Variants in SLC9A9 observed in about 807,000 individuals in gnomAD.
SLC9A9 encodes the protein sodium/hydrogen exchanger 9.
Under a neutral mutation model 77.8 loss-of-function variants are expected in SLC9A9, and 62 were observed. The observed-to-expected ratio is 0.80, with a 90% CI of 0.65 to 0.98. SLC9A9 has a LOEUF of 0.98. Among genes scored for constraint, SLC9A9 ranks in the 50% least tolerant of loss-of-function variants. The pLI is 0.00. For synonymous variants in SLC9A9, 320 were observed against 283.5 expected (o/e 1.13, Z -1.29); for missense variants, 775 against 774.9 (o/e 1.00, Z 0.00).
intron 12 of SLC9A9, among the ~76,000 whole-genome samples, chr3:143,401,733 G>A (rs991499337): frequency 6.6e-6 from 1 of 152,050 alleles, no homozygotes; most frequent in Non-Finnish European, 1.5e-5. Context: ...TCACATACAG[G>A]TTGTGGCATC....
intron 13 of SLC9A9, among the ~76,000 whole-genome samples, chr3:143,366,189 T>C (rs2032896505): frequency 6.6e-6 from 1 of 152,220 alleles, no homozygotes; most frequent in Non-Finnish European, 1.5e-5. Context: ...ATGTTCCCAA[T>C]AATGATGGTC....
At chr3:143,634,981 G>T (rs1193697566) in intron 6 of SLC9A9, among the ~76,000 whole-genome samples, 1 of 151,976 alleles carries the variant, frequency 6.6e-6, no homozygotes, top group Non-Finnish European at 1.5e-5. Flanking sequence ...TTTGGGTTTT[G>T]TCCTGGTTAT....
chr3:143,737,688 T>C (rs965436464), intron 4 of SLC9A9, among the ~76,000 whole-genome samples: 2 of 152,246 alleles, frequency 1.3e-5, no homozygotes, highest in African/African-American at 4.8e-5. Flanking sequence ...ATGTTTTATA[T>C]GCAGCTACAG....
intron 5 of SLC9A9, among the ~76,000 whole-genome samples, chr3:143,672,832 A>G (rs1166789815): frequency 1.3e-5 from 2 of 152,176 alleles, no homozygotes; most frequent in African/African-American, 4.8e-5. Context: ...CCCAACCTTT[A>G]AAAAATATGC....
At chr3:143,777,009 A>G (rs890415970) in intron 4 of SLC9A9, among the ~76,000 whole-genome samples, 1 of 152,218 alleles carries the variant, frequency 6.6e-6, no homozygotes, top group Non-Finnish European at 1.5e-5. Flanking sequence ...GGAGCTGAGT[A>G]TCTATCTGAC....
chr3:143,836,669 G>A (rs751435486), intron 1 of SLC9A9, among the ~76,000 whole-genome samples: 1 of 152,114 alleles, frequency 6.6e-6, no homozygotes, highest in African/African-American at 2.4e-5. Flanking sequence ...AGGAACATTA[G>A]AAAGATGAGC....
intron 14 of SLC9A9, among the ~76,000 whole-genome samples, chr3:143,309,595 CCTTT>C (rs2030943595): frequency 6.6e-6 from 1 of 152,014 alleles, no homozygotes; most frequent in African/African-American, 2.4e-5. Flanking sequence ...ATTTCCAGAC[CCTTT>C]CTTCTCATGT....
intron 6 of SLC9A9, among the ~76,000 whole-genome samples, chr3:143,616,717 A>C (rs2108706532): frequency 6.6e-6 from 1 of 152,272 alleles, no homozygotes; most frequent in South Asian, 2.1e-4. Context: ...CTTTCCCTAA[A>C]TCCTGGCCTA....
chr3:143,589,024 C>G (rs1378981073), intron 6 of SLC9A9, among the ~76,000 whole-genome samples: 1 of 152,112 alleles, frequency 6.6e-6, no homozygotes, highest in South Asian at 2.1e-4. Flanking sequence ...AGATGGAAAT[C>G]CAGCTAAAGT....
intron 14 of SLC9A9, among the ~76,000 whole-genome samples, chr3:143,307,617 T>C (rs753983401): frequency 6.6e-6 from 1 of 152,208 alleles, no homozygotes; most frequent in Non-Finnish European, 1.5e-5. Flanking sequence ...TAGCCTGGCT[T>C]CGGTCTCTGA....
At position 143,406,998 on chromosome 3, in the gene SLC9A9, AAAAAG is replaced by A. The variant is rs1353774007; in HGVS notation, c.1470-24889_1470-24885del. 2.4e-3 allele frequency among the ~76,000 whole-genome samples: 364 copies of A among 150,082 alleles called. 4 individuals are homozygous for A. Among genetic ancestry groups the A allele is most frequent in the East Asian group, 0.015 (76 of 5,150 alleles). On this transcript the variant is annotated intron_variant, in intron 12 of 15. Transcript: ENST00000316549. ...CTCGAGAAAAAAAAAAAAAAAAAAG[AAAAAG>A]AAAAGAAAAAATACCAAATTAATAT...
chr3:143,446,202 G>A (rs146707792), intron 12 of SLC9A9, among the ~76,000 whole-genome samples: 110 of 152,192 alleles, frequency 7.2e-4, no homozygotes, highest in African/African-American at 2.5e-3. Flanking sequence ...TAAGTAGAGA[G>A]GATATGATTA....
intron 9 of SLC9A9, among the ~76,000 whole-genome samples, chr3:143,523,054 C>T (rs920181760): frequency 5.9e-5 from 9 of 152,108 alleles, no homozygotes; most frequent in African/African-American, 2.2e-4. Flanking sequence ...AGGGTCTCTT[C>T]CAGTCCCAGA....
chr3:143,409,616 G>A (rs549759549), intron 12 of SLC9A9, among the ~76,000 whole-genome samples: 1 of 152,230 alleles, frequency 6.6e-6, no homozygotes, highest in African/African-American at 2.4e-5. Context: ...AGAAAGTCAA[G>A]ATGGTCTAAG....
intron 8 of SLC9A9, among the ~76,000 whole-genome samples, chr3:143,565,847 C>T (rs1423406474): frequency 2.0e-5 from 3 of 151,948 alleles, no homozygotes; most frequent in Non-Finnish European, 2.9e-5. Flanking sequence ...GCTAATGACA[C>T]GTATTTGGAA....
In SLC9A9 at chr3:143,311,227, T is replaced by C. The variant is rs193003767; in HGVS notation, c.1605-42247A>G. On this transcript the variant is annotated intron_variant, in intron 14 of 15. Coordinates refer to ENST00000316549, the MANE Select transcript of SLC9A9 (RefSeq NM_173653.4). ...CTCTTAGCTGCCCAGCATCTCTCTA[T>C]TGGGTAAGAGTGTTTATACTTTAGC... 2.2e-4 allele frequency among the ~76,000 whole-genome samples: 33 copies of C among 152,322 alleles called. 2 individuals carry two copies. Among genetic ancestry groups the C allele is most frequent in the African/African-American group, 7.9e-4 (33 of 41,580 alleles).
chr3:143,572,013 G>A (rs1389704288), intron 8 of SLC9A9, among the ~76,000 whole-genome samples: 3 of 152,150 alleles, frequency 2.0e-5, no homozygotes, highest in Non-Finnish European at 4.4e-5. Flanking sequence ...TCGGGGGTGA[G>A]TCTGCCCCTC....
intron 11 of SLC9A9, among the ~76,000 whole-genome samples, chr3:143,476,683 T>C (rs1391211253): frequency 1.3e-5 from 2 of 152,240 alleles, no homozygotes; most frequent in African/African-American, 4.8e-5. Context: ...GGGCAGCTTG[T>C]GTTCCAAAGA....
At chr3:143,532,055 A>G (rs1389863651) in intron 9 of SLC9A9, among the ~76,000 whole-genome samples, 1 of 152,252 alleles carries the variant, frequency 6.6e-6, no homozygotes, top group Non-Finnish European at 1.5e-5. Flanking sequence ...TTGCAAAAAT[A>G]GAAAGTGTGA....
Sources: allele counts gnomAD v4.1 joint callset (sites outside exome capture counted in the v4.1 genomes callset), GRCh38; gene constraint gnomAD v4.1.1; transcripts MANE v1.5; gene names NCBI Gene and HGNC (gene_info 2026-07-23, HGNC 2026-07-21).